Variants in BMP1 observed in about 807,000 individuals in gnomAD.
BMP1 encodes mammalian tolloid protein.
Under a neutral mutation model 116.8 loss-of-function variants are expected in BMP1, and 63 were observed. That is an observed-to-expected ratio of 0.54 (90% CI 0.44 to 0.67). The LOEUF (loss-of-function observed/expected upper bound fraction) is 0.67, where lower values mean the gene tolerates loss of function less well. Ranked by LOEUF, BMP1 falls within the 30% of genes least tolerant of loss-of-function variation. BMP1 has a pLI of 0.00. For synonymous variants in BMP1, 536 were observed against 533.4 expected, an observed-to-expected ratio of 1.00 and a Z score of -0.07; for missense variants, 1,183 against 1,358.9, an observed-to-expected ratio of 0.87 and a Z score of 2.04.
chr8:22,185,698 C>T (rs562620540), intron 8 of BMP1, among the ~76,000 whole-genome samples: 95 of 151,760 alleles, frequency 6.3e-4, no homozygotes, highest in Admixed American at 5.4e-3. Context: ...CTCAGCTCAC[C>T]TTGACCTCTG....
chr8:22,199,477 C>T, intron 15 of BMP1: 1 of 1,140,132 alleles, frequency 8.8e-7, no homozygotes. Context: ...GGTGAGGCTG[C>T]CCACTCCTGC....
rs917247138 is a variant in BMP1 at position 22,193,968 on chromosome 8, G to A, written c.1181-90G>A. 30 of 1,047,806 alleles carry A rather than the reference G, an allele frequency of 2.9e-5. No individual in the cohort carries two copies. The South Asian group carries it at 4.1e-4, about 14-fold the overall frequency. The allele number at this position is 1,047,806 out of a possible 1,614,324, so 64.9% of individuals were successfully genotyped here. A position where few individuals can be genotyped will look rare whatever the true frequency, so the allele number is the denominator to read the frequency against. ...TGAAGTAGGGTGGCCACAGATCAGGGCCCAAGCACCCAAGCCTCCTGGAGA... is the reference window on the plus strand; with the variant it reads ...TGAAGTAGGGTGGCCACAGATCAGGACCCAAGCACCCAAGCCTCCTGGAGA... On this transcript the variant is annotated intron_variant, in intron 9 of 19. Transcript: ENST00000306385.
At chr8:22,176,804 C>A in intron 4 of BMP1, 154 bp downstream of exon 4, 1 of 997,200 alleles carries the variant, frequency 1.0e-6, no homozygotes, top group Non-Finnish European at 1.5e-6. Context: ...CCCTGTGCGG[C>A]TGTGACCTCC....
At chr8:22,199,846 C>T (rs1762440085) in intron 15 of BMP1, among the ~76,000 whole-genome samples, 1 of 152,150 alleles carries the variant, frequency 6.6e-6, no homozygotes, top group Non-Finnish European at 1.5e-5. Context: ...AGCAAGAAAC[C>T]TTGGGAAGGA....
intron 15 of BMP1, chr8:22,199,217 C>T (rs768254344): frequency 3.7e-5 from 51 of 1,367,464 alleles, no homozygotes; most frequent in Non-Finnish European, 4.9e-5. Context: ...CTGGGGGCAT[C>T]GAGGCTCAGC....
intron 15 of BMP1, among the ~76,000 whole-genome samples, chr8:22,200,569 T>A (rs1429729700): frequency 6.6e-6 from 1 of 152,194 alleles, no homozygotes. Context: ...ATTGGAGCTG[T>A]GTGTCTGTGC....
Position 22,211,774 on chromosome 8 carries a change from C to T in BMP1, c.*46C>T, listed in dbSNP as rs73225877. 2.8e-4 allele frequency: 456 copies of T among 1,613,268 alleles called. No individual in the cohort carries two copies. Among genetic ancestry groups the T allele is most frequent in the African/African-American group, 6.0e-4 (45 of 75,042 alleles). ...GGGACTGGAGCCTGCTGCCCTTGGT[C>T]GCCTAGACTGGATAGTGGGGGTGGG... On this transcript the variant is annotated 3_prime_UTR_variant, in exon 20 of 20. Transcript: ENST00000306385.
intron 1 of BMP1, among the ~76,000 whole-genome samples, chr8:22,166,461 C>T (rs1314894692): frequency 6.6e-6 from 1 of 152,196 alleles, no homozygotes; most frequent in East Asian, 1.9e-4. Flanking sequence ...CTGGAGTGAC[C>T]AGATGGCCAG....
Position 22,201,787 on chromosome 8 carries a change from A to G in BMP1, c.2108-16A>G, listed in dbSNP as rs1372351261. On this transcript the variant is annotated splice_polypyrimidine_tract_variant and intron_variant, in intron 15 of 19. Coordinates refer to ENST00000306385, the MANE Select transcript of BMP1 (RefSeq NM_006129.5). ...CTGCACAGACCCAGCGTCTGCCCTT[A>G]TTTGCTCCCCTGCAGACAAGGACGA... The G allele has an allele frequency of 1.9e-6, 3 of 1,612,332 alleles. No homozygotes were observed. In the South Asian group the frequency reaches 3.3e-5, roughly 18 times the overall value.
intron 1 of BMP1, 24 bp from the exon 2 acceptor site, chr8:22,173,578 C>T (rs745597234): frequency 1.3e-6 from 2 of 1,587,054 alleles, no homozygotes; most frequent in Admixed American, 1.7e-5. Flanking sequence ...TTAACTCAGC[C>T]CTGGCTTCTT....
rs2131882613 is a variant in BMP1 at position 22,194,303 on chromosome 8, A to T, written c.1297+129A>T. 1 of 1,446,374 alleles carries T rather than the reference A, an allele frequency of 6.9e-7. No individual in the cohort carries two copies. The highest frequency in any genetic ancestry group is 1.2e-5 in the South Asian group (1 of 80,518). The allele number at this position is 1,446,374 out of a possible 1,614,324, so 89.6% of individuals were successfully genotyped here. On this transcript the variant is annotated intron_variant, in intron 10 of 19. Transcript: ENST00000306385. This position sits in a 1 kb window ranked among gnomAD's most constrained non-coding sequence, Gnocchi z 4.5. ...GGGAAGAAGCAGAGAGAATGATGGG[A>T]TTGCCTGGGACTGGGGGTTTGGTGG...
chr8:22,192,158 G>C lies in BMP1; in HGVS notation c.1180+7G>C. ...AGGAAGGCGCCCCTCCGAGGTAACG[G>C]CACCAGCCACCCCCTGCCCCCTCCA... On this transcript the variant is annotated splice_region_variant and intron_variant, in intron 9 of 19. Coordinates refer to ENST00000306385, the MANE Select transcript of BMP1 (RefSeq NM_006129.5). 1 of 1,609,324 alleles carries C rather than the reference G, an allele frequency of 6.2e-7. No homozygotes were observed. Among genetic ancestry groups the C allele is most frequent in the African/African-American group, 1.3e-5 (1 of 74,940 alleles).
rs992716373 is a variant in BMP1, at chr8:22,179,455, G to A, written c.837-250G>A. Among the ~76,000 whole-genome samples, 1 of 152,172 alleles carries A rather than the reference G, an allele frequency of 6.6e-6. No individual in the cohort carries two copies. Among genetic ancestry groups the A allele is most frequent in the Non-Finnish European group, 1.5e-5 (1 of 68,002 alleles). Reference sequence around the variant, plus strand: ...GTGGGTCCAAGGGCACCCTGGACCTGCATCCCTGACCTCCCAAAGTGTTCC... The same window carrying A: ...GTGGGTCCAAGGGCACCCTGGACCTACATCCCTGACCTCCCAAAGTGTTCC... On this transcript the variant is annotated intron_variant, in intron 6 of 19. Coordinates refer to ENST00000306385, the MANE Select transcript of BMP1 (RefSeq NM_006129.5). This position sits in a 1 kb window ranked among gnomAD's most constrained non-coding sequence, Gnocchi z 4.6.
At position 22,191,828 on chromosome 8, in the gene BMP1, C is replaced by T. The variant is rs73225858; in HGVS notation, c.1078-221C>T. On this transcript the variant is annotated intron_variant, in intron 8 of 19. Transcript: ENST00000306385. ...GAGCCAGGGGTTCTACCCAAAGTGA[C>T]GTCTCCTTCCCCTCCTGGGCCTTCT... Among the ~76,000 whole-genome samples, 7,285 of 152,304 alleles carry T rather than the reference C, an allele frequency of 0.048. 279 individuals carry two copies. The highest frequency in any genetic ancestry group is 0.093 in the Admixed American group (1,419 of 15,298).
Position 22,176,412 on chromosome 8 carries a change from C to A in BMP1, c.433+99C>A, listed in dbSNP as rs1586439432. The A allele has an allele frequency of 4.8e-5, 74 of 1,543,072 alleles. 1 individual carries two copies. The South Asian group carries it at 8.6e-4, about 18-fold the overall frequency. On this transcript the variant is annotated intron_variant, in intron 3 of 19. Transcript: ENST00000306385. ...GGAGGCGTGGGTGCCACCTGCAGCC[C>A]GAGTGCCCACACATTCCTTTCCAGG...
chr8:22,177,430 C>T (rs1828478956), intron 5 of BMP1: 12 of 663,022 alleles, frequency 1.8e-5, no homozygotes, highest in Non-Finnish European at 3.0e-5. Flanking sequence ...CATAGTGGGC[C>T]GTCCTGGGGA....
rs142427313 is a variant in BMP1 at position 22,199,242 on chromosome 8, G to A, written c.2107+1822G>A. 26 of 1,367,600 alleles carry A rather than the reference G, an allele frequency of 1.9e-5. No individual in the cohort carries two copies. In the African/African-American group the frequency reaches 2.7e-4, roughly 14 times the overall value. The allele number at this position is 1,367,600 out of a possible 1,614,324, so 84.7% of individuals were successfully genotyped here. A position where few individuals can be genotyped will look rare whatever the true frequency, so the allele number is the denominator to read the frequency against. ...CGAGGCTCAGCCCTCAGGGCCCGGG[G>A]CATCTGACTCTGGCCCCCCAGGAGG... is the stretch of plus-strand genomic sequence containing the variant. On this transcript the variant is annotated intron_variant, in intron 15 of 19. Coordinates refer to ENST00000306385, the MANE Select transcript of BMP1 (RefSeq NM_006129.5).
chr8:22,201,227 C>G lies in BMP1; in HGVS notation c.2108-576C>G, dbSNP rs1563274157. ...GAGGCCTGCCAGGCCTCCCGGACCCCTTGTTACTCAGGAACCTCACCTTGG... is the reference window on the plus strand; with the variant it reads ...GAGGCCTGCCAGGCCTCCCGGACCCGTTGTTACTCAGGAACCTCACCTTGG... On this transcript the variant is annotated intron_variant, in intron 15 of 19. Transcript: ENST00000306385. 6 of 1,603,192 alleles carry G rather than the reference C, an allele frequency of 3.7e-6. No individual in the cohort carries two copies. In the Admixed American group the frequency reaches 1.1e-4, roughly 28 times the overall value.
chr8:22,197,637 C>T (rs1275830820), intron 15 of BMP1, among the ~76,000 whole-genome samples: 1 of 152,144 alleles, frequency 6.6e-6, no homozygotes, highest in East Asian at 1.9e-4. Context: ...ATGACTGGGG[C>T]CTGAGGATGG....
Sources: allele counts gnomAD v4.1 joint callset (sites outside exome capture counted in the v4.1 genomes callset), GRCh38; gene constraint gnomAD v4.1.1; non-coding constraint Gnocchi (gnomAD v3.1); transcripts MANE v1.5; gene names NCBI Gene and HGNC (gene_info 2026-07-23, HGNC 2026-07-21).